Variants in GNA11 observed in about 807,000 individuals in gnomAD.
GNA11 encodes guanine nucleotide-binding protein subunit alpha-11.
GNA11 carries 8 observed loss-of-function variants against 38.2 expected under a neutral mutation model. That is an observed-to-expected ratio of 0.21 (90% CI 0.12 to 0.38). The LOEUF (loss-of-function observed/expected upper bound fraction) is 0.38. GNA11 is among the 10% of genes least tolerant of loss of function. GNA11 has a pLI of 1.00. For missense variants in GNA11, 268 were observed against 516.3 expected (o/e 0.52, Z 4.66); for synonymous variants, 211 against 221.4 (o/e 0.95, Z 0.42).
Position 3,094,908 on chromosome 19 carries a change from A to G in GNA11, c.136+121A>G. ...CTGCCTGTGCCGTCCGGGTCGCGAG[A>G]CCCTCCGGGGTCAGCCCTGCCTGTG... is the stretch of plus-strand genomic sequence containing the variant. On this transcript the variant is annotated intron_variant, in intron 1 of 6. Coordinates refer to ENST00000078429, the MANE Select transcript of GNA11 (RefSeq NM_002067.5). The surrounding 1 kb of genome is among the most constrained non-coding windows in gnomAD (Gnocchi z 6.0). The G allele has an allele frequency of 1.7e-6, 1 of 603,182 alleles. No individual in the cohort carries two copies. The highest frequency in any genetic ancestry group is 2.4e-6 in the Non-Finnish European group (1 of 410,166). 37.4% of individuals were successfully genotyped at this position (603,182 alleles called of 1,614,324 possible).
Position 3,094,549 on chromosome 19 carries a change from G to A in GNA11, c.-103G>A. 1 of 370,542 alleles carries A rather than the reference G, an allele frequency of 2.7e-6. No homozygotes were observed. The highest frequency in any genetic ancestry group is 3.7e-6 in the Non-Finnish European group (1 of 272,632). 23.0% of individuals were successfully genotyped at this position (370,542 alleles called of 1,614,324 possible). On this transcript the variant is annotated 5_prime_UTR_variant, in exon 1 of 7. Coordinates refer to ENST00000078429, the MANE Select transcript of GNA11 (RefSeq NM_002067.5). This position sits in a 1 kb window ranked among gnomAD's most constrained non-coding sequence, Gnocchi z 6.0. ...GGGCCGAGGGCCGGTGGCCGAGGCC[G>A]GAGGGCCGCGGCGGGCGGCGGCCGA... is the stretch of plus-strand genomic sequence containing the variant.
chr19:3,112,867 C>T (rs529489710), intron 2 of GNA11, among the ~76,000 whole-genome samples: 2 of 152,394 alleles, frequency 1.3e-5, no homozygotes, highest in Admixed American at 6.5e-5. Context: ...CTGGTTGCAA[C>T]GTCCTGTGAC....
At chr19:3,115,946 G>A (rs1380608901) in intron 4 of GNA11, among the ~76,000 whole-genome samples, 8 of 137,828 alleles carry the variant, frequency 5.8e-5, no homozygotes, top group African/African-American at 2.3e-4. Flanking sequence ...TGTGAGGGGA[G>A]GAGGGGTCGT....
chr19:3,111,617 G>A (rs534530769), intron 2 of GNA11, among the ~76,000 whole-genome samples: 3 of 152,370 alleles, frequency 2.0e-5, no homozygotes, highest in South Asian at 2.1e-4. Flanking sequence ...CGGAGCTGCC[G>A]TGACCGTCTG....
chr19:3,114,953 C>T lies in GNA11; in HGVS notation c.486C>T (p.Thr162=), dbSNP rs771702042. ...CACCGCTGTGTTGCAGCTACCTGAC[C>T]GACGTTGACCGCATCGCCACCTTGG... is the stretch of plus-strand genomic sequence containing the variant. ...QLSDSAKYYL[T]DVDRIATLGY... is the part of the protein sequence containing the mutation. The change falls in exon 4 of 7, where the codon ACC becomes ACT. Residue 162 remains threonine, a synonymous_variant. Transcript: ENST00000078429. 141 of 1,611,220 alleles carry T rather than the reference C, an allele frequency of 8.8e-5. No homozygotes were observed. The highest frequency in any genetic ancestry group is 1.1e-4 in the Non-Finnish European group (127 of 1,178,834).
Position 3,094,912 on chromosome 19 carries a change from T to C in GNA11, c.136+125T>C. On this transcript the variant is annotated intron_variant, in intron 1 of 6. Transcript: ENST00000078429. This position sits in a 1 kb window ranked among gnomAD's most constrained non-coding sequence, Gnocchi z 6.0. ...CTGTGCCGTCCGGGTCGCGAGACCC[T>C]CCGGGGTCAGCCCTGCCTGTGCCTT... The C allele has an allele frequency of 1.6e-6, 1 of 616,524 alleles. No individual in the cohort carries two copies. The highest frequency in any genetic ancestry group is 2.5e-6 in the Non-Finnish European group (1 of 402,410). 38.2% of individuals were successfully genotyped at this position (616,524 alleles called of 1,614,324 possible).
Position 3,119,637 on chromosome 19 carries a change from G to GGGT in GNA11, c.889+280_889+281insTGG. ...AGGGGTCTCGGGTGGGAGGGGTCTC[G>GGGT]GGCAGGGGGATCTCGGGTGGGAGGA... On this transcript the variant is annotated intron_variant, in intron 6 of 6. Coordinates refer to ENST00000078429, the MANE Select transcript of GNA11 (RefSeq NM_002067.5). This position sits in a 1 kb window ranked among gnomAD's most constrained non-coding sequence, Gnocchi z 4.6. 2.0e-5 allele frequency among the ~76,000 whole-genome samples: 3 copies of GGGT among 151,234 alleles called. No individual in the cohort carries two copies. Among genetic ancestry groups the GGGT allele is most frequent in the Non-Finnish European group, 4.4e-5 (3 of 67,720 alleles).
At chr19:3,099,985 G>A (rs1187575580) in intron 1 of GNA11, among the ~76,000 whole-genome samples, 1 of 151,514 alleles carries the variant, frequency 6.6e-6, no homozygotes, top group Non-Finnish European at 1.5e-5. Flanking sequence ...TCCCCATCCT[G>A]CCGCACGTGG....
rs1393841797 is a variant in GNA11, at chr19:3,110,068, G to T, written c.137-81G>T. On this transcript the variant is annotated intron_variant, in intron 1 of 6. Transcript: ENST00000078429. The surrounding 1 kb of genome is among the most constrained non-coding windows in gnomAD (Gnocchi z 5.4). The stretch of plus-strand genomic sequence containing the variant: ...TTTCCTGTGCTGGGTGCTGCAGCAC[G>T]GCAGGGTCTGGGTAAGAGGGGGCAG... The T allele has an allele frequency of 1.4e-5, 16 of 1,167,060 alleles. No individual in the cohort carries two copies. Among genetic ancestry groups the T allele is most frequent in the Non-Finnish European group, 1.7e-5 (14 of 818,916 alleles). 72.3% of individuals were successfully genotyped at this position (1,167,060 alleles called of 1,614,324 possible).
chr19:3,106,785 G>T (rs111936057), intron 1 of GNA11, among the ~76,000 whole-genome samples: 1 of 152,258 alleles, frequency 6.6e-6, no homozygotes, highest in Non-Finnish European at 1.5e-5. Context: ...TGCATTGTGT[G>T]CATATATGCA....
chr19:3,113,249 TG>T, intron 2 of GNA11, 80 bp from the exon 3 acceptor site: 1 of 1,394,076 alleles, frequency 7.2e-7, no homozygotes, highest in Non-Finnish European at 1.0e-6. Flanking sequence ...AGCCGAGGCC[TG>T]GAAGAGGGGC....
chr19:3,111,385 C>A (rs1913771131), intron 2 of GNA11, among the ~76,000 whole-genome samples: 1 of 152,112 alleles, frequency 6.6e-6, no homozygotes, highest in African/African-American at 2.4e-5. Context: ...ATCGGTCTGT[C>A]CTGAACATTT....
intron 1 of GNA11, among the ~76,000 whole-genome samples, chr19:3,099,469 G>C (rs969611059): frequency 2.0e-5 from 3 of 152,184 alleles, no homozygotes; most frequent in African/African-American, 7.2e-5. Context: ...CCTAAGTGCC[G>C]GTTTGCTGGC....
intron 1 of GNA11, among the ~76,000 whole-genome samples, chr19:3,100,425 C>T (rs1913473412): frequency 6.6e-6 from 1 of 152,236 alleles, no homozygotes; most frequent in Non-Finnish European, 1.5e-5. Flanking sequence ...TCCCCTGCTT[C>T]CCTGCCCATG....
intron 1 of GNA11, among the ~76,000 whole-genome samples, chr19:3,109,588 G>A (rs2145314816): frequency 6.6e-6 from 1 of 152,354 alleles, no homozygotes; most frequent in South Asian, 2.1e-4. Flanking sequence ...CCAAGAGGGA[G>A]AGGGGAGAGC....
rs912341847 is a variant in GNA11, at chr19:3,123,899, C to T, written c.*2720C>T. 1 of 232,384 alleles carries T rather than the reference C, an allele frequency of 4.3e-6. No homozygotes were observed. The highest frequency in any genetic ancestry group is 1.8e-4 in the South Asian group (1 of 5,520). 14.4% of individuals were successfully genotyped at this position (232,384 alleles called of 1,614,324 possible). A position where few individuals can be genotyped will look rare whatever the true frequency, so the allele number is the denominator to read the frequency against. ...GGCTCAGTGTCACCTCCCACAGCCA[C>T]CGGCCCTGACCCTTAATCCAGACAC... is the stretch of plus-strand genomic sequence containing the variant. On this transcript the variant is annotated 3_prime_UTR_variant, in exon 7 of 7. Transcript: ENST00000078429.
intron 1 of GNA11, among the ~76,000 whole-genome samples, chr19:3,101,743 C>T (rs1228322080): frequency 6.6e-6 from 1 of 152,110 alleles, no homozygotes; most frequent in Non-Finnish European, 1.5e-5. Flanking sequence ...CCCAGGCTGT[C>T]GGGGGGCTTC....
chr19:3,097,809 A>G (rs1459924708), intron 1 of GNA11, among the ~76,000 whole-genome samples: 1 of 151,790 alleles, frequency 6.6e-6, no homozygotes, highest in African/African-American at 2.4e-5. Flanking sequence ...CCCTGTGCAC[A>G]TTGGTCCGGG....
At chr19:3,114,434 T>A (rs539352982) in intron 3 of GNA11, among the ~76,000 whole-genome samples, 1 of 152,156 alleles carries the variant, frequency 6.6e-6, no homozygotes, top group African/African-American at 2.4e-5. Context: ...AGACACTGGC[T>A]CATTGCTCGT....
Sources: gnomAD v4.1 joint callset for allele counts (sites outside exome capture counted in the v4.1 genomes callset) on GRCh38, gnomAD v4.1.1 for gene constraint, Gnocchi (gnomAD v3.1) non-coding constraint, MANE v1.5 for transcripts, NCBI Gene and HGNC (gene_info 2026-07-23, HGNC 2026-07-21) for gene names.